Variants in SCAF8 observed in about 807,000 individuals in gnomAD.
SCAF8 encodes SR-related and CTD-associated factor 8.
SCAF8 carries 23 observed loss-of-function variants against 140.5 expected under a neutral mutation model. That is an observed-to-expected ratio of 0.16 (90% CI 0.12 to 0.23). SCAF8 has a LOEUF of 0.23. Ranked by LOEUF, SCAF8 falls within the 10% of genes least tolerant of loss-of-function variation. The pLI, the probability that SCAF8 is intolerant of heterozygous loss-of-function variation, is 1.00. For missense variants in SCAF8, 1,397 were observed against 1,555.7 expected (o/e 0.90, Z 1.72); for synonymous variants, 575 against 528.9 (o/e 1.09, Z -1.20).
At chr6:154,757,800 A>C (rs1166310222) in intron 1 of SCAF8, among the ~76,000 whole-genome samples, 2 of 152,184 alleles carry the variant, frequency 1.3e-5, no homozygotes, top group African/African-American at 4.8e-5. Flanking sequence ...TAACTGCTTT[A>C]AAATGTTTGA....
At chr6:154,811,180 G>T (rs1487671560) in intron 12 of SCAF8, among the ~76,000 whole-genome samples, 1 of 151,924 alleles carries the variant, frequency 6.6e-6, no homozygotes, top group Admixed American at 6.6e-5. Flanking sequence ...TTAGGGTGAT[G>T]GTATACATCT....
intron 1 of SCAF8, among the ~76,000 whole-genome samples, chr6:154,758,898 T>C (rs1386393352): frequency 6.6e-6 from 1 of 152,198 alleles, no homozygotes; most frequent in Non-Finnish European, 1.5e-5. Flanking sequence ...TTTTTCCTAG[T>C]ATTCTGGCTG....
chr6:154,801,438 A>C (rs1332570662), intron 6 of SCAF8, among the ~76,000 whole-genome samples: 1 of 151,458 alleles, frequency 6.6e-6, no homozygotes, highest in African/African-American at 2.4e-5. Context: ...TAAAGATCTC[A>C]CTGTTGTGTC....
intron 1 of SCAF8, among the ~76,000 whole-genome samples, chr6:154,765,356 A>G (rs1321035478): frequency 2.6e-5 from 4 of 152,224 alleles, no homozygotes; most frequent in Non-Finnish European, 4.4e-5. Context: ...CTACATGATG[A>G]CAGAGTGCTT....
At chr6:154,774,362 A>G (rs147160293) in intron 2 of SCAF8, among the ~76,000 whole-genome samples, 441 of 152,288 alleles carry the variant, frequency 2.9e-3, no homozygotes, top group African/African-American at 9.9e-3. Flanking sequence ...CCTGGGCTCA[A>G]GTGATCCTCT....
At chr6:154,808,653 TTCTG>T (rs1777997452) in intron 10 of SCAF8, 29 bp from the exon 11 acceptor site, 1 of 376,386 alleles carries the variant, frequency 2.7e-6, no homozygotes, top group African/African-American at 2.9e-4. Flanking sequence ...CAACCAGCCT[TTCTG>T]TTTGTTTGCT....
In SCAF8 at chr6:154,778,040, C is replaced by A; in HGVS notation, c.154C>A (p.Gln52Lys). The A allele has an allele frequency of 6.7e-7, 1 of 1,493,962 alleles. No homozygotes were observed. The highest frequency in any genetic ancestry group is 1.1e-5 in the South Asian group (1 of 87,162). 92.5% of individuals were successfully genotyped at this position (1,493,962 alleles called of 1,614,324 possible). The change falls in exon 3 of 20, where the codon CAG (glutamine) becomes AAG (lysine). Residue 52 changes from glutamine to lysine, a missense_variant. Around this residue, in one of 5 missense-constraint regions of SCAF8, gnomAD observed 43 missense variants for 142.1 expected, o/e 0.30. Transcript: ENST00000367178. ...HVVQSVEKFI[Q>K]KCKPEYKVPG... ...GGTACAGAGTGTTGAGAAGTTTATT[C>A]AGAAAGTAAGTATATAATTTTCCAT...
At chr6:154,818,744 G>A (rs1473830656) in intron 14 of SCAF8, 152 bp downstream of exon 14, 6 of 397,998 alleles carry the variant, frequency 1.5e-5, no homozygotes, top group Admixed American at 4.5e-5. Flanking sequence ...AAATGTTATG[G>A]ACAAACCTCA....
intron 5 of SCAF8, among the ~76,000 whole-genome samples, chr6:154,793,905 G>GTA (rs1554261638): frequency 3.3e-5 from 5 of 149,334 alleles, no homozygotes; most frequent in South Asian, 2.1e-4. Context: ...TGTATTTTGT[G>GTA]TGTGTGTGTG....
chr6:154,792,578 A>T (rs1050689101), intron 4 of SCAF8, among the ~76,000 whole-genome samples: 1 of 152,192 alleles, frequency 6.6e-6, no homozygotes, highest in East Asian at 1.9e-4. Flanking sequence ...CCTGGATGTC[A>T]TCTCCGCCTT....
chr6:154,754,411 GA>G (rs1778914550), intron 1 of SCAF8, among the ~76,000 whole-genome samples: 2 of 152,142 alleles, frequency 1.3e-5, no homozygotes, highest in African/African-American at 4.8e-5. Context: ...TTTGTTTTTG[GA>G]AACTGGGCTA....
At chr6:154,779,997 A>C (rs763898001) in intron 3 of SCAF8, among the ~76,000 whole-genome samples, 2 of 152,100 alleles carry the variant, frequency 1.3e-5, no homozygotes, top group Non-Finnish European at 2.9e-5. Flanking sequence ...TCAGATTTTA[A>C]TTGTCTTACA....
Position 154,833,981 on chromosome 6 carries a change from A to T in SCAF8, c.*586A>T, listed in dbSNP as rs1778826333. Reference sequence around the variant, plus strand: ...GTGAGTAAAAAAGAAACAAGAAAACAACAACATAAATATTAAAGTACGTTT... The same window carrying T: ...GTGAGTAAAAAAGAAACAAGAAAACTACAACATAAATATTAAAGTACGTTT... On this transcript the variant is annotated 3_prime_UTR_variant, in exon 20 of 20. Transcript: ENST00000367178. The T allele has an allele frequency of 6.6e-6, 1 of 152,304 alleles. No individual in the cohort carries two copies. Among genetic ancestry groups the T allele is most frequent in the Admixed American group, 6.5e-5 (1 of 15,278 alleles). The allele number at this position is 152,304 out of a possible 1,614,324, so 9.4% of individuals were successfully genotyped here.
At chr6:154,801,872 G>A in intron 6 of SCAF8, 99 bp from the exon 7 acceptor site, 1 of 775,216 alleles carries the variant, frequency 1.3e-6, no homozygotes, top group Non-Finnish European at 2.1e-6. Flanking sequence ...TTCAAAGAGA[G>A]TGTGGAATGA....
intron 17 of SCAF8, among the ~76,000 whole-genome samples, chr6:154,825,945 A>G (rs1356402955): frequency 6.6e-6 from 1 of 152,170 alleles, no homozygotes; most frequent in East Asian, 1.9e-4. Context: ...TCAAAACAAT[A>G]TATATATAGT....
At chr6:154,824,525 C>T in intron 17 of SCAF8, 147 bp downstream of exon 17, 1 of 688,020 alleles carries the variant, frequency 1.5e-6, no homozygotes, top group Non-Finnish European at 2.4e-6. Flanking sequence ...GCCCAGCCTC[C>T]ACTGTTTTTG....
intron 1 of SCAF8, among the ~76,000 whole-genome samples, chr6:154,735,153 G>A (rs887901952): frequency 5.9e-5 from 9 of 151,488 alleles, no homozygotes; most frequent in African/African-American, 2.2e-4. Flanking sequence ...AAGAAAAAGT[G>A]TAATTATGCT....
At chr6:154,813,068 G>T (rs945440544) in intron 12 of SCAF8, among the ~76,000 whole-genome samples, 3 of 151,858 alleles carry the variant, frequency 2.0e-5, no homozygotes, top group African/African-American at 7.3e-5. Flanking sequence ...AGTTCGGCAA[G>T]GTGGTTCACA....
chr6:154,820,189 T>C lies in SCAF8; in HGVS notation c.1648T>C (p.Leu550=). The C allele has an allele frequency of 6.3e-7, 1 of 1,596,222 alleles. No individual in the cohort carries two copies. The highest frequency in any genetic ancestry group is 1.1e-5 in the South Asian group (1 of 87,382). ...CCATTTACAATAGATCGCTTGGGCT[T>C]TAAACAAAGGTGTAAAAACAGAATA... ...GSKVIKIAWA[L]NKGVKTEYKQ... The change falls in exon 15 of 20, where the codon TTA becomes CTA. Residue 550 remains leucine (L), a synonymous_variant. Transcript: ENST00000367178.
Sources: allele counts gnomAD v4.1 joint callset (sites outside exome capture counted in the v4.1 genomes callset), GRCh38; gene constraint gnomAD v4.1.1; regional missense constraint gnomAD v4.1.1; transcripts MANE v1.5; gene names NCBI Gene and HGNC (gene_info 2026-07-23, HGNC 2026-07-21).